The following DOCK1 variants were observed in gnomAD, a reference collection of about 807,000 sequenced individuals.
The protein encoded by DOCK1 is dedicator of cytokinesis 1, also known as dedicator of cytokinesis protein 1.
A neutral mutation model predicts 262.7 loss-of-function variants in DOCK1; 138 were observed. The ratio of observed to expected loss-of-function variants is 0.53; its 90% CI spans 0.46 to 0.61. DOCK1 has a LOEUF of 0.61. Among genes scored for constraint, DOCK1 ranks in the 20% least tolerant of loss-of-function variants. DOCK1 has a pLI of 0.00. For missense variants in DOCK1, 1,908 were observed against 2,370.7 expected, an observed-to-expected ratio of 0.80 and a Z score of 4.05; for synonymous variants, 866 against 867.4, an observed-to-expected ratio of 1.00 and a Z score of 0.03.
intron 43 of DOCK1, 141 bp downstream of exon 43, chr10:127,411,065 A>T: frequency 1.2e-6 from 1 of 821,246 alleles, no homozygotes; most frequent in Non-Finnish European, 1.9e-6. Context: ...CAGAAATCTT[A>T]ATCTATTACC....
intron 14 of DOCK1, among the ~76,000 whole-genome samples, chr10:127,023,542 CTT>C (rs10652401): frequency 6.4e-5 from 8 of 124,342 alleles, no homozygotes; most frequent in Non-Finnish European, 3.3e-5. Flanking sequence ...TCCCTGTGGT[CTT>C]TTTTTTTTTT....
At chr10:126,931,532 T>C (rs1054396187) in intron 1 of DOCK1, among the ~76,000 whole-genome samples, 8 of 152,124 alleles carry the variant, frequency 5.3e-5, no homozygotes, top group Admixed American at 2.6e-4. Context: ...GCTGGAAGCC[T>C]CTCATGGGCT....
intron 12 of DOCK1, chr10:127,018,479 G>C: frequency 1.7e-6 from 1 of 572,844 alleles, no homozygotes; most frequent in South Asian, 2.0e-5. Context: ...TGTGCGTTCA[G>C]CTGTCTGTGA....
chr10:126,987,467 C>G (rs907372762), intron 4 of DOCK1, 54 bp from the exon 5 acceptor site: 1 of 1,440,310 alleles, frequency 6.9e-7, no homozygotes, highest in East Asian at 2.5e-5. Context: ...AGGTACTACT[C>G]ATAGCAGGCA....
chr10:127,128,757 A>G (rs1331659127), intron 27 of DOCK1, among the ~76,000 whole-genome samples: 1 of 152,158 alleles, frequency 6.6e-6, no homozygotes, highest in South Asian at 2.1e-4. Context: ...TCCATGGTGT[A>G]TAGGTGCCAC....
At chr10:127,317,597 C>T (rs930403701) in intron 29 of DOCK1, among the ~76,000 whole-genome samples, 1 of 152,132 alleles carries the variant, frequency 6.6e-6, no homozygotes, top group Non-Finnish European at 1.5e-5. Context: ...GCACATTCAC[C>T]CATTGATAAT....
intron 29 of DOCK1, among the ~76,000 whole-genome samples, chr10:127,261,009 A>G (rs1590170865): frequency 1.4e-5 from 1 of 73,268 alleles, no homozygotes; most frequent in Admixed American, 1.7e-4. Flanking sequence ...GTGTACCTGC[A>G]TGTGTGTGCA....
At chr10:126,943,511 T>G (rs2035172592) in intron 1 of DOCK1, among the ~76,000 whole-genome samples, 1 of 152,214 alleles carries the variant, frequency 6.6e-6, no homozygotes, top group Non-Finnish European at 1.5e-5. Flanking sequence ...AAGCACCTAC[T>G]GAATGCTATT....
intron 12 of DOCK1, among the ~76,000 whole-genome samples, chr10:127,016,885 C>CAT (rs2041956321): frequency 6.7e-6 from 1 of 149,342 alleles, no homozygotes; most frequent in East Asian, 2.0e-4. Context: ...ACCACAAACA[C>CAT]ACAGATGCAG....
chr10:127,095,690 TGA>T (rs1554884363), intron 23 of DOCK1, among the ~76,000 whole-genome samples: 3 of 151,750 alleles, frequency 2.0e-5, no homozygotes, highest in Admixed American at 6.6e-5. Context: ...TGTGTGTGTG[TGA>T]GCAATTAATG....
intron 29 of DOCK1, among the ~76,000 whole-genome samples, chr10:127,319,838 T>C (rs1186280799): frequency 3.3e-5 from 5 of 152,224 alleles, no homozygotes; most frequent in Non-Finnish European, 2.9e-5. Flanking sequence ...CTTTGGTCTT[T>C]GCTCCATGCG....
chr10:127,407,854 G>C (rs184618425), intron 40 of DOCK1, among the ~76,000 whole-genome samples: 146 of 152,126 alleles, frequency 9.6e-4, no homozygotes, highest in Middle Eastern at 6.8e-3. Flanking sequence ...CCAGACTTCT[G>C]TTTCTTGTAC....
At chr10:126,938,538 T>G (rs1385903087) in intron 1 of DOCK1, among the ~76,000 whole-genome samples, 4 of 152,204 alleles carry the variant, frequency 2.6e-5, no homozygotes, top group Non-Finnish European at 5.9e-5. Flanking sequence ...CTGTTTTGAT[T>G]GACACTTTTG....
intron 37 of DOCK1, 121 bp downstream of exon 37, chr10:127,381,489 C>G (rs1441635062): frequency 1.3e-6 from 1 of 776,582 alleles, no homozygotes; most frequent in Non-Finnish European, 1.9e-6. Flanking sequence ...ATGAAATTGA[C>G]TAAATAAATG....
intron 7 of DOCK1, among the ~76,000 whole-genome samples, chr10:126,997,311 A>C (rs1488110477): frequency 6.6e-6 from 1 of 152,206 alleles, no homozygotes; most frequent in African/African-American, 2.4e-5. Flanking sequence ...CTTACTATAA[A>C]GAAGTGCCTG....
chr10:127,139,620 T>G (rs979458282), intron 27 of DOCK1, among the ~76,000 whole-genome samples: 12 of 152,204 alleles, frequency 7.9e-5, no homozygotes, highest in African/African-American at 2.9e-4. Context: ...CTGTGCTGCA[T>G]TAATGAAATC....
At chr10:127,058,490 T>A (rs2045320153) in intron 22 of DOCK1, among the ~76,000 whole-genome samples, 1 of 152,044 alleles carries the variant, frequency 6.6e-6, no homozygotes, top group South Asian at 2.1e-4. Context: ...GAGCATTTCA[T>A]CCATTTATAT....
Position 126,995,024 on chromosome 10 carries a change from A to T in DOCK1, c.474-1724A>T, listed in dbSNP as rs1463019231. On this transcript the variant is annotated intron_variant, in intron 6 of 51. Transcript: ENST00000623213. This position sits in a 1 kb window ranked among gnomAD's most constrained non-coding sequence, Gnocchi z 5.8. ...GACGGGGTGGCGGCGGGGCAGAGAC[A>T]CTCCTCAGTTCCCAGACGGGGTCGT... Among the ~76,000 whole-genome samples, 1 of 135,562 alleles carries T rather than the reference A, an allele frequency of 7.4e-6. No individual in the cohort carries two copies. The highest frequency in any genetic ancestry group is 2.9e-5 in the African/African-American group (1 of 35,026). 88.9% of individuals were successfully genotyped at this position (135,562 alleles called of 152,430 possible). A position where few individuals can be genotyped will look rare whatever the true frequency, so the allele number is the denominator to read the frequency against.
At chr10:127,204,254 G>A (rs1314728724) in intron 27 of DOCK1, among the ~76,000 whole-genome samples, 1 of 152,128 alleles carries the variant, frequency 6.6e-6, no homozygotes, top group African/African-American at 2.4e-5. Context: ...TGTTTCCGTG[G>A]ATTCGAGAAA....
Sources: gnomAD v4.1 joint callset for allele counts (sites outside exome capture counted in the v4.1 genomes callset) on GRCh38, gnomAD v4.1.1 for gene constraint, Gnocchi (gnomAD v3.1) non-coding constraint, MANE v1.5 for transcripts, NCBI Gene and HGNC (gene_info 2026-07-23, HGNC 2026-07-21) for gene names.